Variants in ZNF574 observed in about 807,000 individuals in gnomAD.
ZNF574 encodes zinc finger protein 574.
ZNF574 carries 25 observed loss-of-function variants against 56.6 expected under a neutral mutation model. The ratio of observed to expected loss-of-function variants is 0.44; its 90% CI spans 0.32 to 0.62. The LOEUF is 0.62. Among genes scored for constraint, ZNF574 ranks in the 20% least tolerant of loss-of-function variants. ZNF574 has a pLI of 0.04. For synonymous variants in ZNF574, 543 were observed against 492.1 expected (o/e 1.10, Z -1.37); for missense variants, 1,065 against 1,218.9 (o/e 0.87, Z 1.88).
upstream of ZNF574, among the ~76,000 whole-genome samples, chr19:42,073,435 C>A (rs2076437565): frequency 6.6e-6 from 1 of 151,814 alleles, no homozygotes; most frequent in Non-Finnish European, 1.5e-5. Context: ...CATGTAATCC[C>A]ACCATTTTGG....
At chr19:42,075,571 G>A (rs758979489), upstream of ZNF574, among the ~76,000 whole-genome samples, 2 of 152,090 alleles carry the variant, frequency 1.3e-5, no homozygotes, top group African/African-American at 2.4e-5. Context: ...TTAATAAAGT[G>A]AGTCTGGAAC....
chr19:42,079,430 G>A lies in ZNF574; in HGVS notation c.824G>A (p.Ser275Asn). ...QPDPLPASDH[S>N]YELRNGEAIG... ...GACCCCTTGCCAGCTTCTGACCACA[G>A]TTACGAGCTGCGCAATGGTGAAGCC... Residue 275 changes from serine to asparagine, a missense_variant, in exon 2 of 2, where the codon AGT becomes AAT. Transcript: ENST00000359044. This position sits in a 1 kb window ranked among gnomAD's most constrained non-coding sequence, Gnocchi z 4.3. 1.9e-6 allele frequency: 3 copies of A among 1,613,632 alleles called. No homozygotes were observed. The highest frequency in any genetic ancestry group is 2.5e-6 in the Non-Finnish European group (3 of 1,180,032).
chr19:42,071,102 T>C (rs1379688026), intron 1 of ZNF574: 1 of 152,286 alleles, frequency 6.6e-6, no homozygotes, highest in African/African-American at 2.4e-5. Context: ...CCTCATTCTC[T>C]AGTCACAGGA....
rs148166900 is a variant in ZNF574, at chr19:42,079,536, C to G, written c.930C>G (p.Phe310Leu). ...GCGGGGCAGCCACACAGGAGCTCTT[C>G]TGCTCAGCCTGTGACCAGCTCTTTC... ...EAGGAATQEL[F>L]CSACDQLFLS... Residue 310 changes from phenylalanine (F) to leucine (L), a missense_variant, in exon 2 of 2, where the codon TTC (phenylalanine) becomes TTG (leucine). Transcript: ENST00000359044. The surrounding 1 kb of genome is among the most constrained non-coding windows in gnomAD (Gnocchi z 4.3). 6.2e-7 allele frequency: 1 copy of G among 1,613,918 alleles called. No homozygotes were observed. Among genetic ancestry groups the G allele is most frequent in the African/African-American group, 1.3e-5 (1 of 74,954 alleles).
intron 1 of ZNF574, among the ~76,000 whole-genome samples, chr19:42,077,644 G>A (rs933081138): frequency 6.6e-6 from 1 of 152,108 alleles, no homozygotes; most frequent in East Asian, 1.9e-4. Flanking sequence ...TAGAATTGTC[G>A]ATTTGGTCTT....
chr19:42,079,600 C>G lies in ZNF574; in HGVS notation c.994C>G (p.Arg332Gly). 6.2e-7 allele frequency: 1 copy of G among 1,614,166 alleles called. No individual in the cohort carries two copies. Among genetic ancestry groups the G allele is most frequent in the Admixed American group, 1.7e-5 (1 of 60,032 alleles). The change falls in exon 2 of 2, where the codon CGG becomes GGG. Residue 332 changes from arginine to glycine, a missense_variant. Physicochemically the swap from Arg to Gly is moderately radical, Grantham distance 125. Transcript: ENST00000359044. This position sits in a 1 kb window ranked among gnomAD's most constrained non-coding sequence, Gnocchi z 4.3. The stretch of plus-strand genomic sequence containing the variant: ...GCTACAGCAGCACCTGCGGAGTCAC[C>G]GGGAGGGCGTCTTTAAGTGCCCCCT... ...HQLQQHLRSHREGVFKCPLCS... is the reference protein window; with the variant it reads ...HQLQQHLRSHGEGVFKCPLCS...
In ZNF574 at chr19:42,080,167, C is replaced by T. The variant is rs1449281213; in HGVS notation, c.1561C>T (p.Arg521Trp). Residue 521 changes from arginine to tryptophan, a missense_variant, in exon 2 of 2, where the codon CGG becomes TGG. Arg to Trp is a moderately radical substitution (Grantham distance 101). Coordinates refer to ENST00000359044, the MANE Select transcript of ZNF574 (RefSeq NM_022752.6). The surrounding 1 kb of genome is among the most constrained non-coding windows in gnomAD (Gnocchi z 8.5). ...CCACCTGCGCACACACACAGGGGAG[C>T]GGCCCTTCCCCTGCCCTGACTGCTC... ...RNHLRTHTGE[R>W]PFPCPDCSKP... is the part of the protein sequence containing the mutation. 4.3e-6 allele frequency: 7 copies of T among 1,613,856 alleles called. No homozygotes were observed. Among genetic ancestry groups the T allele is most frequent in the Non-Finnish European group, 5.9e-6 (7 of 1,180,034 alleles).
upstream of ZNF574, among the ~76,000 whole-genome samples, chr19:42,071,411 G>A (rs959200441): frequency 3.3e-5 from 5 of 152,096 alleles, no homozygotes; most frequent in African/African-American, 7.2e-5. Flanking sequence ...ACTCACGTGC[G>A]GCCCACAGCA....
Position 42,081,532 on chromosome 19 carries a change from A to T in ZNF574, c.*235A>T. Reference sequence around the variant, plus strand: ...GGTGACCCCAAAAATGAAACCATCAATAAAGACTGAGTTGCCAGCAGTGTG... The same window carrying T: ...GGTGACCCCAAAAATGAAACCATCATTAAAGACTGAGTTGCCAGCAGTGTG... On this transcript the variant is annotated 3_prime_UTR_variant, in exon 2 of 2. Coordinates refer to ENST00000359044, the MANE Select transcript of ZNF574 (RefSeq NM_022752.6). 1 of 599,674 alleles carries T rather than the reference A, an allele frequency of 1.7e-6. No individual in the cohort carries two copies. Among genetic ancestry groups the T allele is most frequent in the Non-Finnish European group, 3.1e-6 (1 of 327,714 alleles). 37.1% of individuals were successfully genotyped at this position (599,674 alleles called of 1,614,324 possible).
intron 1 of ZNF574, 86 bp from the exon 2 acceptor site, chr19:42,078,501 T>TCGGTGGTCGCCGTATCATTAAAAAAAAA: frequency 8.6e-7 from 1 of 1,168,362 alleles, no homozygotes; most frequent in Non-Finnish European, 1.2e-6. Flanking sequence ...GGTGTAGATC[T>TCGGTGGTCGCCGTATCATTAAAAAAAAA]AAGGTATTAG....
intron 1 of ZNF574, chr19:42,070,378 G>T (rs540921325): frequency 6.5e-6 from 1 of 153,474 alleles, no homozygotes; most frequent in Admixed American, 6.5e-5. Flanking sequence ...TGAGAAGAAG[G>T]AGCTGCATTG....
Position 42,080,422 on chromosome 19 carries a change from C to G in ZNF574, c.1816C>G (p.Pro606Ala). The G allele has an allele frequency of 6.2e-7, 1 of 1,614,250 alleles. No homozygotes were observed. The highest frequency in any genetic ancestry group is 1.1e-5 in the South Asian group (1 of 91,092). ...CCGCTACCATCACACAGGTGAATAC[C>G]CCTACAAGTGTCGCGAGTGCCCCCG... Reference protein sequence around the residue: ...MHRYHHTGEYPYKCRECPRSF... With the variant: ...MHRYHHTGEYAYKCRECPRSF... Residue 606 changes from proline (P) to alanine (A), a missense_variant, in exon 2 of 2, where the codon CCC becomes GCC. Transcript: ENST00000359044. The surrounding 1 kb of genome is among the most constrained non-coding windows in gnomAD (Gnocchi z 8.5).
At chr19:42,078,533 A>G (rs1568943429) in intron 1 of ZNF574, 54 bp from the exon 2 acceptor site, 6 of 1,459,568 alleles carry the variant, frequency 4.1e-6, no homozygotes, top group South Asian at 1.3e-5. Flanking sequence ...GATGAAGGGA[A>G]GAGCTGAGGA....
upstream of ZNF574, among the ~76,000 whole-genome samples, chr19:42,071,201 C>G (rs537738016): frequency 1.3e-5 from 2 of 151,358 alleles, no homozygotes; most frequent in East Asian, 2.0e-4. Context: ...CAGGGAACAC[C>G]CTGCAGCCTC....
At chr19:42,074,194 C>G (rs1381703876), upstream of ZNF574, among the ~76,000 whole-genome samples, 1 of 151,000 alleles carries the variant, frequency 6.6e-6, no homozygotes, top group Non-Finnish European at 1.5e-5. Context: ...CAGTGGCTCA[C>G]GCCTGTAATC....
In ZNF574 at chr19:42,068,729, G is replaced by A. The variant is rs759584062; in HGVS notation, c.18G>A (p.Trp6Ter). The change falls in exon 1 of 2, where the codon TGG becomes TGA. Residue 6 changes from tryptophan (W) to a stop codon, truncating the protein, a stop_gained. Coordinates refer to the ZNF574 transcript ENST00000222339. LOFTEE classifies it high-confidence loss of function. ...ACAGAGACATGCCGAGAGCAACCTG[G>A]GCTAACAGCAAAGAGAGAAGTTGGG... 4 of 501,532 alleles carry A rather than the reference G, an allele frequency of 8.0e-6. No individual in the cohort carries two copies. Among genetic ancestry groups the A allele is most frequent in the Admixed American group, 3.6e-5 (1 of 27,574 alleles). The allele number at this position is 501,532 out of a possible 1,614,324, so 31.1% of individuals were successfully genotyped here.
rs116317040 is a variant in ZNF574, at chr19:42,069,126, G to A, written c.250+165G>A. 3.1e-3 allele frequency: 1,291 copies of A among 415,634 alleles called. 17 individuals are homozygous for A. Among genetic ancestry groups the A allele is most frequent in the African/African-American group, 0.023 (1,145 of 48,950 alleles). The allele number at this position is 415,634 out of a possible 1,614,324, so 25.7% of individuals were successfully genotyped here. On this transcript the variant is annotated intron_variant, in intron 1 of 1. Transcript: ENST00000222339. Reference sequence around the variant, plus strand: ...GCAGAGCAGGCCCCTAGTGGGGGAGGGTACTTGCCAGTCCGGAGAACGGGG... The same window carrying A: ...GCAGAGCAGGCCCCTAGTGGGGGAGAGTACTTGCCAGTCCGGAGAACGGGG...
chr19:42,068,560 C>G, exon 1 of ZNF574: 2 of 402,432 alleles, frequency 5.0e-6, no homozygotes, highest in Non-Finnish European at 8.8e-6. Context: ...GGGAAGACAG[C>G]CTCCAAGCTC....
chr19:42,077,054 TG>T (rs1347505939), intron 1 of ZNF574, among the ~76,000 whole-genome samples: 1 of 151,680 alleles, frequency 6.6e-6, no homozygotes, highest in Non-Finnish European at 1.5e-5. Flanking sequence ...ATTTGGTTAT[TG>T]GAAGGGGAGG....
Sources: allele counts gnomAD v4.1 joint callset (sites outside exome capture counted in the v4.1 genomes callset), GRCh38; gene constraint gnomAD v4.1.1; non-coding constraint Gnocchi (gnomAD v3.1); transcripts MANE v1.5; gene names NCBI Gene and HGNC (gene_info 2026-07-23, HGNC 2026-07-21).